KCNK2: variants seen among roughly 807,000 people sequenced by gnomAD.
The protein encoded by KCNK2 is potassium two pore domain channel subfamily K member 2.
KCNK2 carries 21 observed loss-of-function variants against 40.5 expected under a neutral mutation model. The ratio of observed to expected loss-of-function variants is 0.52; its 90% confidence interval spans 0.37 to 0.75. The LOEUF (loss-of-function observed/expected upper bound fraction) is 0.75. KCNK2 is among the 30% of genes least tolerant of loss of function. The probability of loss-of-function intolerance (pLI) is 0.00; values close to 1 mark genes in which losing one functional copy is unlikely to be tolerated. For missense variants in KCNK2, 399 were observed against 531.6 expected (o/e 0.75, Z 2.45); for synonymous variants, 191 against 202.2 (o/e 0.94, Z 0.47).
At chr1:215,156,081 G>GTA (rs928084573) in intron 3 of KCNK2, among the ~76,000 whole-genome samples, 227 of 150,934 alleles carry the variant, frequency 1.5e-3, no homozygotes, top group South Asian at 5.1e-3. Context: ...GTGTGTGTGT[G>GTA]TATATATATA....
chr1:215,205,127 C>T (rs967309928), intron 6 of KCNK2, among the ~76,000 whole-genome samples: 1 of 152,202 alleles, frequency 6.6e-6, no homozygotes, highest in Non-Finnish European at 1.5e-5. Context: ...TTTCATTTGA[C>T]TCTCTTTCCA....
chr1:215,053,765 G>A (rs900877486), intron 1 of KCNK2, among the ~76,000 whole-genome samples: 1 of 152,148 alleles, frequency 6.6e-6, no homozygotes. Flanking sequence ...CCAGGAGTTC[G>A]AGACCAGCCT....
chr1:215,194,024 T>A (rs1664768956), intron 5 of KCNK2, among the ~76,000 whole-genome samples: 1 of 151,632 alleles, frequency 6.6e-6, no homozygotes. Flanking sequence ...CTCTTTGCCA[T>A]CATGCAATAT....
chr1:215,050,165 T>A (rs2102498884), intron 1 of KCNK2, among the ~76,000 whole-genome samples: 1 of 152,292 alleles, frequency 6.6e-6, no homozygotes, highest in South Asian at 2.1e-4. Context: ...TTGATTTTTT[T>A]AATTAACATT....
intron 2 of KCNK2, among the ~76,000 whole-genome samples, chr1:215,102,125 GT>G (rs1343245693): frequency 1.3e-5 from 2 of 151,922 alleles, no homozygotes; most frequent in Non-Finnish European, 2.9e-5. Context: ...TAAGTTAACT[GT>G]AAAAGTGTCT....
chr1:215,153,784 T>C (rs1404577962), intron 3 of KCNK2, among the ~76,000 whole-genome samples: 1 of 152,036 alleles, frequency 6.6e-6, no homozygotes, highest in Non-Finnish European at 1.5e-5. Flanking sequence ...TGTGTGCTGT[T>C]CCCCTCCCCG....
intron 3 of KCNK2, among the ~76,000 whole-genome samples, chr1:215,134,894 CTA>C (rs1005939366): frequency 1.0e-4 from 15 of 149,594 alleles, no homozygotes; most frequent in East Asian, 1.9e-4. Flanking sequence ...GGATGAAGAC[CTA>C]TATATATATA....
intron 6 of KCNK2, among the ~76,000 whole-genome samples, chr1:215,202,511 T>C (rs1484086124): frequency 6.6e-6 from 1 of 152,202 alleles, no homozygotes. Flanking sequence ...CCTAAGTGAA[T>C]TGTATGAGCA....
chr1:215,149,960 G>A (rs996399172), intron 3 of KCNK2, among the ~76,000 whole-genome samples: 2 of 152,160 alleles, frequency 1.3e-5, no homozygotes, highest in African/African-American at 4.8e-5. Context: ...AAGCATTTAG[G>A]TATTGTTTAG....
rs1666905988 is a variant in KCNK2 at position 215,236,580 on chromosome 1, T to TAAAG, written c.*1435_*1436insAAAG. 1 of 152,622 alleles carries TAAAG rather than the reference T, an allele frequency of 6.6e-6. No homozygotes were observed. Among genetic ancestry groups the TAAAG allele is most frequent in the Non-Finnish European group, 1.5e-5 (1 of 68,038 alleles). 9.5% of individuals were successfully genotyped at this position (152,622 alleles called of 1,614,324 possible). A position where few individuals can be genotyped will look rare whatever the true frequency, so the allele number is the denominator to read the frequency against. On this transcript the variant is annotated 3_prime_UTR_variant, in exon 7 of 7. Transcript: ENST00000444842. Reference sequence around the variant, plus strand: ...TTTAGTTTAATTTTATATCCTGTAATTCTTTGGATGGTTCCAAGATTCAGA... The same window carrying TAAAG: ...TTTAGTTTAATTTTATATCCTGTAATAAAGTCTTTGGATGGTTCCAAGATTCAGA...
At chr1:215,218,636 A>G (rs1666048522) in intron 6 of KCNK2, among the ~76,000 whole-genome samples, 1 of 152,142 alleles carries the variant, frequency 6.6e-6, no homozygotes, top group African/African-American at 2.4e-5. Context: ...ATGCTTCGCT[A>G]TCTCCAAAAC....
chr1:215,207,491 G>A lies in KCNK2; in HGVS notation c.963+12399G>A, dbSNP rs563452857. The stretch of plus-strand genomic sequence containing the variant: ...GGACTGCTGTTTTAAATGATTAACT[G>A]TGACACTGGCTGTCTTAGTCTGAAG... On this transcript the variant is annotated intron_variant, in intron 6 of 6. Transcript: ENST00000444842. 2.0e-5 allele frequency among the ~76,000 whole-genome samples: 3 copies of A among 152,302 alleles called. No individual in the cohort carries two copies. The South Asian group carries it at 6.2e-4, about 32-fold the overall frequency.
chr1:215,136,452 A>G (rs1016948582), intron 3 of KCNK2, among the ~76,000 whole-genome samples: 1 of 152,220 alleles, frequency 6.6e-6, no homozygotes, highest in African/African-American at 2.4e-5. Context: ...ACCAAGCATA[A>G]TAAAGATTAA....
At chr1:215,131,646 A>T (rs4655391) in intron 3 of KCNK2, among the ~76,000 whole-genome samples, 85,839 of 149,856 alleles carry the variant, frequency 0.57, 26,314 homozygotes, top group Non-Finnish European at 0.69. Flanking sequence ...TTTATCACTC[A>T]ATTATTATAT....
intron 3 of KCNK2, among the ~76,000 whole-genome samples, chr1:215,129,831 T>A (rs1490457242): frequency 6.6e-6 from 1 of 152,116 alleles, no homozygotes; most frequent in Admixed American, 6.5e-5. Flanking sequence ...CAAACAAGCA[T>A]GATGTGATGC....
rs188859516 is a variant in KCNK2, at chr1:215,177,909, C to T, written c.823+5726C>T. On this transcript the variant is annotated intron_variant, in intron 5 of 6. Coordinates refer to ENST00000444842, the MANE Select transcript of KCNK2 (RefSeq NM_001017425.3). Reference sequence around the variant, plus strand: ...TTTGGAAGAGCTTTTTCTAGCTTTGCGAAAAACGATATTGGTAGCTTAATA... The same window carrying T: ...TTTGGAAGAGCTTTTTCTAGCTTTGTGAAAAACGATATTGGTAGCTTAATA... 1.9e-4 allele frequency among the ~76,000 whole-genome samples: 28 copies of T among 150,268 alleles called. No homozygotes were observed. The South Asian group carries it at 2.9e-3, about 16-fold the overall frequency.
chr1:215,030,752 G>T (rs1657160713), intron 1 of KCNK2, among the ~76,000 whole-genome samples: 3 of 144,334 alleles, frequency 2.1e-5, no homozygotes, highest in South Asian at 2.2e-4. Context: ...TTGTCACGTT[G>T]CCCAGGCTGA....
chr1:215,043,129 G>A (rs962787366), intron 1 of KCNK2, among the ~76,000 whole-genome samples: 1 of 152,120 alleles, frequency 6.6e-6, no homozygotes, highest in African/African-American at 2.4e-5. Context: ...ATAGCTATTA[G>A]AGGGAAAAAA....
intron 6 of KCNK2, among the ~76,000 whole-genome samples, chr1:215,230,748 G>A (rs894306391): frequency 6.6e-6 from 1 of 151,488 alleles, no homozygotes; most frequent in African/African-American, 2.4e-5. Flanking sequence ...TAGAAGGTGA[G>A]GCTCCCATTC....
Sources: allele counts gnomAD v4.1 joint callset (sites outside exome capture counted in the v4.1 genomes callset), GRCh38; gene constraint gnomAD v4.1.1; transcripts MANE v1.5; gene names NCBI Gene and HGNC (gene_info 2026-07-23, HGNC 2026-07-21).